PLEKHA3: variants seen among roughly 807,000 people sequenced by gnomAD.
PLEKHA3 encodes the protein pleckstrin homology domain containing A3.
Under a neutral mutation model 39.2 loss-of-function variants are expected in PLEKHA3, and 19 were observed. The observed-to-expected ratio is 0.48, with a 90% CI of 0.34 to 0.71. PLEKHA3 has a LOEUF of 0.71. Ranked by LOEUF, PLEKHA3 falls within the 30% of genes least tolerant of loss-of-function variation. The probability of loss-of-function intolerance (pLI) is 0.01; values close to 1 mark genes in which losing one functional copy is unlikely to be tolerated. For synonymous variants in PLEKHA3, 97 were observed against 118.6 expected, an observed-to-expected ratio of 0.82 and a Z score of 1.18; for missense variants, 253 against 359.5, an observed-to-expected ratio of 0.70 and a Z score of 2.40.
chr2:178,480,789 G>A lies in PLEKHA3; in HGVS notation c.-81G>A. On this transcript the variant is annotated 5_prime_UTR_variant, in exon 1 of 8. Transcript: ENST00000234453. Reference sequence around the variant, plus strand: ...GGAGGGGGCCCGGGCGGGCCGGGAGGGGCTGCCCCAGGCCCTGCGCCTACC... The same window carrying A: ...GGAGGGGGCCCGGGCGGGCCGGGAGAGGCTGCCCCAGGCCCTGCGCCTACC... 5.7e-6 allele frequency: 7 copies of A among 1,229,648 alleles called. No homozygotes were observed. The highest frequency in any genetic ancestry group is 7.3e-6 in the Non-Finnish European group (7 of 955,176). The allele number at this position is 1,229,648 out of a possible 1,614,324, so 76.2% of individuals were successfully genotyped here. A position where few individuals can be genotyped will look rare whatever the true frequency, so the allele number is the denominator to read the frequency against.
Position 178,514,694 on chromosome 2 carries a change from A to G in PLEKHA3, c.*10807A>G, listed in dbSNP as rs1396799111. 3 of 149,438 alleles carry G rather than the reference A, an allele frequency of 2.0e-5. No individual in the cohort carries two copies. Among genetic ancestry groups the G allele is most frequent in the Non-Finnish European group, 4.4e-5 (3 of 67,536 alleles). 9.3% of individuals were successfully genotyped at this position (149,438 alleles called of 1,614,324 possible). On this transcript the variant is annotated 3_prime_UTR_variant, in exon 8 of 8. Coordinates refer to ENST00000234453, the MANE Select transcript of PLEKHA3 (RefSeq NM_019091.4). ...CAATATTCTTTTTTTTTTTTTCTCT[A>G]AGAAGTACTAGTTTAGGTAAGTGAA...
rs1244408081 is a variant in PLEKHA3 at position 178,512,421 on chromosome 2, CCTT to C, written c.*8539_*8541del. 1.3e-5 allele frequency: 2 copies of C among 152,104 alleles called. No individual in the cohort carries two copies. The highest frequency in any genetic ancestry group is 2.9e-5 in the Non-Finnish European group (2 of 68,014). 9.4% of individuals were successfully genotyped at this position (152,104 alleles called of 1,614,324 possible). On this transcript the variant is annotated 3_prime_UTR_variant, in exon 8 of 8. Transcript: ENST00000234453. ...GTAAAATGTATGACTATAATGAATT[CCTT>C]CTTCACTTTTACTCTGGCAAGGTGG...
intron 5 of PLEKHA3, among the ~76,000 whole-genome samples, chr2:178,496,193 C>T (rs2154127855): frequency 6.6e-6 from 1 of 152,312 alleles, no homozygotes; most frequent in East Asian, 1.9e-4. Context: ...TGCAAACGAT[C>T]TGACCTGCTT....
At position 178,508,059 on chromosome 2, in the gene PLEKHA3, GT is replaced by G. The variant is rs1685631793; in HGVS notation, c.*4173del. On this transcript the variant is annotated 3_prime_UTR_variant, in exon 8 of 8. Transcript: ENST00000234453. ...GTCTGCTTCAGTTCTGGGTGTGTGT[GT>G]GTGTGTGTGTGTGTGTGTGTGTGTG... The G allele has an allele frequency of 1.1e-4, 13 of 113,110 alleles. No individual in the cohort carries two copies. Among genetic ancestry groups the G allele is most frequent in the Admixed American group, 1.1e-3 (13 of 11,488 alleles). 7.0% of individuals were successfully genotyped at this position (113,110 alleles called of 1,614,324 possible). A position where few individuals can be genotyped will look rare whatever the true frequency, so the allele number is the denominator to read the frequency against.
rs1685588990 is a variant in PLEKHA3, at chr2:178,505,485, T to C, written c.*1598T>C. On this transcript the variant is annotated 3_prime_UTR_variant, in exon 8 of 8. Transcript: ENST00000234453. The stretch of plus-strand genomic sequence containing the variant: ...GCCTGCTCATAAGTTGTACTTCATA[T>C]GTCTAATTTGAAAAAAAAAGTTTGA... 1 of 151,824 alleles carries C rather than the reference T, an allele frequency of 6.6e-6. No individual in the cohort carries two copies. The highest frequency in any genetic ancestry group is 6.6e-5 in the Admixed American group (1 of 15,210). The allele number at this position is 151,824 out of a possible 1,614,324, so 9.4% of individuals were successfully genotyped here.
Position 178,504,201 on chromosome 2 carries a change from A to C in PLEKHA3, c.*314A>C. The C allele has an allele frequency of 4.7e-6, 1 of 211,400 alleles. No individual in the cohort carries two copies. Among genetic ancestry groups the C allele is most frequent in the Non-Finnish European group, 9.8e-6 (1 of 102,002 alleles). The allele number at this position is 211,400 out of a possible 1,614,324, so 13.1% of individuals were successfully genotyped here. ...TTTCTTAAAAACTCTGAGGGGACTGACAGCATGGTCAGGGTGTATTGTAGC... is the reference window on the plus strand; with the variant it reads ...TTTCTTAAAAACTCTGAGGGGACTGCCAGCATGGTCAGGGTGTATTGTAGC... On this transcript the variant is annotated 3_prime_UTR_variant, in exon 8 of 8. Transcript: ENST00000234453.
rs765578622 is a variant in PLEKHA3, at chr2:178,493,995, G to A, written c.450+6G>A. 2 of 1,613,030 alleles carry A rather than the reference G, an allele frequency of 1.2e-6. No homozygotes were observed. Among genetic ancestry groups the A allele is most frequent in the East Asian group, 4.5e-5 (2 of 44,830 alleles). On this transcript the variant is annotated splice_donor_region_variant and intron_variant, in intron 4 of 7. Transcript: ENST00000234453. ...ATTCATCTCCTAGTGCAGAGGTAGAGCGAAGAGGATCTCTTCACGTGTGGT... is the reference window on the plus strand; with the variant it reads ...ATTCATCTCCTAGTGCAGAGGTAGAACGAAGAGGATCTCTTCACGTGTGGT...
rs534956157 is a variant in PLEKHA3, at chr2:178,506,566, A to G, written c.*2679A>G. Reference sequence around the variant, plus strand: ...TGACCTTGAATTGTAGTTTTTCAGTATGTATTATCACATTTAGAAATGTAA... The same window carrying G: ...TGACCTTGAATTGTAGTTTTTCAGTGTGTATTATCACATTTAGAAATGTAA... On this transcript the variant is annotated 3_prime_UTR_variant, in exon 8 of 8. Coordinates refer to ENST00000234453, the MANE Select transcript of PLEKHA3 (RefSeq NM_019091.4). 2 of 152,212 alleles carry G rather than the reference A, an allele frequency of 1.3e-5. No individual in the cohort carries two copies. Among genetic ancestry groups the G allele is most frequent in the Non-Finnish European group, 2.9e-5 (2 of 68,026 alleles). 9.4% of individuals were successfully genotyped at this position (152,212 alleles called of 1,614,324 possible).
Position 178,491,010 on chromosome 2 carries a change from C to CTTTTTTTTTTTT in PLEKHA3, c.313+203_313+214dup, listed in dbSNP as rs1204723389. ...GAATGGCTCAATAAACTCTTTCTTT[C>CTTTTTTTTTTTT]TTTTTTTTTTTTTTTTTTGAGATGG... On this transcript the variant is annotated intron_variant, in intron 3 of 7. Coordinates refer to ENST00000234453, the MANE Select transcript of PLEKHA3 (RefSeq NM_019091.4). Among the ~76,000 whole-genome samples the CTTTTTTTTTTTT allele has an allele frequency of 4.9e-3, 637 of 129,388 alleles. 8 individuals are homozygous for CTTTTTTTTTTTT. The highest frequency in any genetic ancestry group is 0.015 in the African/African-American group (501 of 34,084). The allele number at this position is 129,388 out of a possible 152,430, so 84.9% of individuals were successfully genotyped here. A position where few individuals can be genotyped will look rare whatever the true frequency, so the allele number is the denominator to read the frequency against.
Position 178,503,804 on chromosome 2 carries a change from T to G in PLEKHA3, c.820T>G (p.Ser274Ala). Residue 274 changes from serine to alanine, a missense_variant, in exon 8 of 8, where the codon TCA becomes GCA. Ser to Ala is a moderately conservative substitution (Grantham distance 99). Around this residue, in one of 2 missense-constraint regions of PLEKHA3, gnomAD observed 127 missense variants for 136.8 expected, o/e 0.93. Coordinates refer to ENST00000234453, the MANE Select transcript of PLEKHA3 (RefSeq NM_019091.4). The part of the protein sequence containing the change: ...SKNTLNGDLA[S>A]ATIPEESRLM... ...AAATACACTTAATGGAGATTTGGCATCAGCAACCATTCCTGAAGAAAGCAG... is the reference window on the plus strand; with the variant it reads ...AAATACACTTAATGGAGATTTGGCAGCAGCAACCATTCCTGAAGAAAGCAG... The G allele has an allele frequency of 6.2e-7, 1 of 1,611,970 alleles. No individual in the cohort carries two copies. The highest frequency in any genetic ancestry group is 8.5e-7 in the Non-Finnish European group (1 of 1,178,368).
chr2:178,493,389 C>G (rs1307576640), intron 3 of PLEKHA3, among the ~76,000 whole-genome samples: 1 of 152,088 alleles, frequency 6.6e-6, no homozygotes, highest in African/African-American at 2.4e-5. Context: ...GCTAACAGAT[C>G]TGGATAAGGT....
intron 3 of PLEKHA3, among the ~76,000 whole-genome samples, chr2:178,492,960 G>A (rs1282244478): frequency 6.6e-6 from 1 of 152,108 alleles, no homozygotes; most frequent in African/African-American, 2.4e-5. Flanking sequence ...AGAAAGAATA[G>A]GCTTAAATAT....
intron 7 of PLEKHA3, among the ~76,000 whole-genome samples, chr2:178,503,532 C>T (rs1685562485): frequency 6.6e-6 from 1 of 151,970 alleles, no homozygotes; most frequent in African/African-American, 2.4e-5. Flanking sequence ...ATCTCTACTT[C>T]AGGCAATTTC....
In PLEKHA3 at chr2:178,503,760, G is replaced by A; in HGVS notation, c.776G>A (p.Arg259Lys). The change falls in exon 8 of 8, where the codon AGA becomes AAA. Residue 259 changes from arginine to lysine, a missense_variant and splice_region_variant. Physicochemically the swap from Arg to Lys is conservative, Grantham distance 26. Around this residue, in one of 2 missense-constraint regions of PLEKHA3, gnomAD observed 127 missense variants for 136.8 expected, o/e 0.93. Coordinates refer to ENST00000234453, the MANE Select transcript of PLEKHA3 (RefSeq NM_019091.4). The part of the protein sequence containing the change: ...CSDIPLEDPD[R>K]PVHCSKNTLN... ...AACGTTTTTATCAATGTCTTCATAG[G>A]ACCTGTTCACTGTTCAAAAAATACA... 2 of 1,610,896 alleles carry A rather than the reference G, an allele frequency of 1.2e-6. No individual in the cohort carries two copies. Among genetic ancestry groups the A allele is most frequent in the Non-Finnish European group, 1.7e-6 (2 of 1,177,700 alleles).
rs147432061 is a variant in PLEKHA3, at chr2:178,498,533, G to A, written c.616-678G>A. Among the ~76,000 whole-genome samples, 439 of 152,172 alleles carry A rather than the reference G, an allele frequency of 2.9e-3. 1 individual carries two copies. Among genetic ancestry groups the A allele is most frequent in the African/African-American group, 0.01 (417 of 41,516 alleles). ...TTGAAATAATCAGTTTTACTTGGCTGCCTCCCTTTATATTTTGATGGAGTA... is the reference window on the plus strand; with the variant it reads ...TTGAAATAATCAGTTTTACTTGGCTACCTCCCTTTATATTTTGATGGAGTA... On this transcript the variant is annotated intron_variant, in intron 5 of 7. Coordinates refer to ENST00000234453, the MANE Select transcript of PLEKHA3 (RefSeq NM_019091.4).
chr2:178,494,821 G>T lies in PLEKHA3; in HGVS notation c.451-675G>T, dbSNP rs145166050. Among the ~76,000 whole-genome samples the T allele has an allele frequency of 5.0e-3, 757 of 152,136 alleles. 5 individuals are homozygous for T. Among genetic ancestry groups the T allele is most frequent in the African/African-American group, 0.016 (659 of 41,528 alleles). On this transcript the variant is annotated intron_variant, in intron 4 of 7. Transcript: ENST00000234453. ...AGGCAGGAGGCAGTGGGGTTGCCAG[G>T]GTAGAGAGAGTCCTTCTCAACTTGC...
At position 178,509,466 on chromosome 2, in the gene PLEKHA3, TTAC is replaced by T. The variant is rs1685649703; in HGVS notation, c.*5585_*5587del. 1 of 151,938 alleles carries T rather than the reference TTAC, an allele frequency of 6.6e-6. No individual in the cohort carries two copies. The highest frequency in any genetic ancestry group is 1.5e-5 in the Non-Finnish European group (1 of 67,986). 9.4% of individuals were successfully genotyped at this position (151,938 alleles called of 1,614,324 possible). On this transcript the variant is annotated 3_prime_UTR_variant, in exon 8 of 8. Coordinates refer to ENST00000234453, the MANE Select transcript of PLEKHA3 (RefSeq NM_019091.4). ...ATATTGTTTACTATCATTATTATTA[TTAC>T]TACTATCAGTTTTTTTTTTTTTTTC...
At chr2:178,492,728 A>G (rs924014389) in intron 3 of PLEKHA3, among the ~76,000 whole-genome samples, 2 of 151,998 alleles carry the variant, frequency 1.3e-5, no homozygotes, top group Admixed American at 6.5e-5. Flanking sequence ...AGAAAATAGA[A>G]TGTTGGTTTC....
chr2:178,506,134 G>C lies in PLEKHA3; in HGVS notation c.*2247G>C, dbSNP rs1229699000. On this transcript the variant is annotated 3_prime_UTR_variant, in exon 8 of 8. Transcript: ENST00000234453. ...AACAATTCTGTAAGAATTTTAGCTT[G>C]TCAAGTTGTTCTATACTTTATAGAA... 6.6e-6 allele frequency: 1 copy of C among 152,044 alleles called. No homozygotes were observed. The allele number at this position is 152,044 out of a possible 1,614,324, so 9.4% of individuals were successfully genotyped here.
Sources: allele counts gnomAD v4.1 joint callset (sites outside exome capture counted in the v4.1 genomes callset), GRCh38; gene constraint gnomAD v4.1.1; regional missense constraint gnomAD v4.1.1; transcripts MANE v1.5; gene names NCBI Gene and HGNC (gene_info 2026-07-23, HGNC 2026-07-21).